The following GPC6 variants were observed in gnomAD, a reference collection of about 807,000 sequenced individuals.
GPC6 encodes glypican-6.
GPC6 carries 14 observed loss-of-function variants against 55.2 expected under a neutral mutation model. That is an observed-to-expected ratio of 0.25 (90% CI 0.17 to 0.40). GPC6 has a LOEUF of 0.40. Ranked by LOEUF, GPC6 falls within the 10% of genes least tolerant of loss-of-function variation. The pLI is 1.00. For missense variants in GPC6, 641 were observed against 708.5 expected (o/e 0.90, Z 1.08); for synonymous variants, 278 against 259.6 (o/e 1.07, Z -0.68).
chr13:94,306,242 C>G (rs1249698720), intron 6 of GPC6, 119 bp downstream of exon 6: 4 of 955,308 alleles, frequency 4.2e-6, no homozygotes, highest in East Asian at 2.5e-5. Flanking sequence ...CTTATATCTG[C>G]CTCTGTTCTT....
chr13:93,524,012 A>G (rs1881552022), intron 1 of GPC6, among the ~76,000 whole-genome samples: 1 of 151,966 alleles, frequency 6.6e-6, no homozygotes, highest in African/African-American at 2.4e-5. Flanking sequence ...TTCAGTGGAA[A>G]GAGAGGGGGG....
At chr13:94,330,180 A>G (rs144704219) in intron 6 of GPC6, among the ~76,000 whole-genome samples, 10 of 152,312 alleles carry the variant, frequency 6.6e-5, no homozygotes, top group African/African-American at 2.4e-4. Context: ...AGCAATTCTT[A>G]TGGAAACGAT....
chr13:94,084,514 A>C (rs547532207), intron 4 of GPC6, among the ~76,000 whole-genome samples: 2 of 152,324 alleles, frequency 1.3e-5, no homozygotes, highest in African/African-American at 4.8e-5. Context: ...ACAGTTATGA[A>C]AGTGGGATTT....
chr13:94,323,463 GTTATTC>G (rs1219782637), intron 6 of GPC6, among the ~76,000 whole-genome samples: 14 of 152,286 alleles, frequency 9.2e-5, no homozygotes, highest in Admixed American at 6.5e-4. Context: ...AAGCTTAGCT[GTTATTC>G]TTATTAATCA....
intron 3 of GPC6, among the ~76,000 whole-genome samples, chr13:93,927,412 T>C (rs1166997466): frequency 6.6e-6 from 1 of 152,202 alleles, no homozygotes; most frequent in East Asian, 1.9e-4. Flanking sequence ...CTTGGTTATA[T>C]AGTCTTTTAC....
At chr13:94,071,532 T>C (rs963325300) in intron 4 of GPC6, among the ~76,000 whole-genome samples, 4 of 152,190 alleles carry the variant, frequency 2.6e-5, no homozygotes, top group Non-Finnish European at 4.4e-5. Context: ...CAATTACAAA[T>C]GTGCTTTGAC....
chr13:93,346,974 TAAA>T, intron 1 of GPC6, among the ~76,000 whole-genome samples: 1 of 152,196 alleles, frequency 6.6e-6, no homozygotes, highest in Non-Finnish European at 1.5e-5. Context: ...TGGTCATACA[TAAA>T]TGATAAATCA....
chr13:94,090,234 G>A (rs1854400), intron 4 of GPC6, among the ~76,000 whole-genome samples: 120,707 of 151,892 alleles, frequency 0.79, 48,280 homozygotes, highest in South Asian at 0.88. Flanking sequence ...ATCAGATCTC[G>A]TGAGACTTAC....
intron 4 of GPC6, among the ~76,000 whole-genome samples, chr13:94,241,960 G>A (rs531286969): frequency 6.6e-6 from 1 of 151,496 alleles, no homozygotes; most frequent in South Asian, 2.1e-4. Context: ...GGGTACATGT[G>A]CACAACGTGC....
Position 93,799,436 on chromosome 13 carries a change from T to C in GPC6, c.320-30718T>C, listed in dbSNP as rs115538224. Among the ~76,000 whole-genome samples, 726 of 152,322 alleles carry C rather than the reference T, an allele frequency of 4.8e-3. 8 individuals carry two copies. Among genetic ancestry groups the C allele is most frequent in the African/African-American group, 0.017 (697 of 41,568 alleles). ...AACAATCCACATACTAATTTTTATC[T>C]CTCATTTTAGGCTAGATACTTCTGT... On this transcript the variant is annotated intron_variant, in intron 2 of 8. Transcript: ENST00000377047.
chr13:93,725,207 G>A (rs997137361), intron 2 of GPC6, among the ~76,000 whole-genome samples: 4 of 146,114 alleles, frequency 2.7e-5, no homozygotes, highest in Non-Finnish European at 5.9e-5. Context: ...TTCAGTGAGT[G>A]GAAGAACAGC....
At chr13:93,926,960 A>G (rs1169887493) in intron 3 of GPC6, among the ~76,000 whole-genome samples, 1 of 152,192 alleles carries the variant, frequency 6.6e-6, no homozygotes, top group Non-Finnish European at 1.5e-5. Flanking sequence ...TTCACTGTTG[A>G]CAAAGACTAT....
At chr13:94,198,892 C>G (rs1313784708) in intron 4 of GPC6, among the ~76,000 whole-genome samples, 1 of 152,182 alleles carries the variant, frequency 6.6e-6, no homozygotes. Context: ...CAGATTAAAT[C>G]TTTGTTCTCT....
intron 2 of GPC6, among the ~76,000 whole-genome samples, chr13:93,820,772 T>A (rs1386948325): frequency 2.0e-5 from 3 of 152,088 alleles, no homozygotes; most frequent in Non-Finnish European, 2.9e-5. Context: ...GACTACAGCC[T>A]TAGAAAAATT....
Position 93,776,622 on chromosome 13 carries a change from A to G in GPC6, c.320-53532A>G, listed in dbSNP as rs140098028. Among the ~76,000 whole-genome samples, 104 of 152,350 alleles carry G rather than the reference A, an allele frequency of 6.8e-4. 1 individual carries two copies. Among genetic ancestry groups the G allele is most frequent in the African/African-American group, 2.3e-3 (97 of 41,582 alleles). On this transcript the variant is annotated intron_variant, in intron 2 of 8. Coordinates refer to ENST00000377047, the MANE Select transcript of GPC6 (RefSeq NM_005708.5). Reference sequence around the variant, plus strand: ...AAAAAAAGAAAGAAAGAAGGAAAGAAAGAAAGAATATATTTTCTTTTAAAG... The same window carrying G: ...AAAAAAAGAAAGAAAGAAGGAAAGAGAGAAAGAATATATTTTCTTTTAAAG...
intron 3 of GPC6, among the ~76,000 whole-genome samples, chr13:93,891,678 C>A (rs1566589244): frequency 1.3e-5 from 2 of 152,002 alleles, no homozygotes; most frequent in African/African-American, 4.8e-5. Context: ...TCTATACACA[C>A]TATATATACA....
intron 3 of GPC6, among the ~76,000 whole-genome samples, chr13:93,898,122 A>T (rs1268918813): frequency 6.6e-6 from 1 of 152,278 alleles, no homozygotes; most frequent in East Asian, 1.9e-4. Flanking sequence ...TGAAGCAATT[A>T]TGTGAATATT....
At chr13:93,243,552 A>C (rs988429799) in intron 1 of GPC6, among the ~76,000 whole-genome samples, 6 of 152,184 alleles carry the variant, frequency 3.9e-5, no homozygotes, top group Non-Finnish European at 1.5e-5. Context: ...CCGGTCTCCC[A>C]GTGGCAGGTG....
intron 3 of GPC6, among the ~76,000 whole-genome samples, chr13:94,004,417 C>G (rs151032510): frequency 6.6e-6 from 1 of 151,918 alleles, no homozygotes; most frequent in Non-Finnish European, 1.5e-5. Flanking sequence ...CCAGTGCAAC[C>G]CCTCCATCCC....
Sources: allele counts gnomAD v4.1 joint callset (sites outside exome capture counted in the v4.1 genomes callset), GRCh38; gene constraint gnomAD v4.1.1; transcripts MANE v1.5; gene names NCBI Gene and HGNC (gene_info 2026-07-23, HGNC 2026-07-21).